Variants in TAFA2 observed in about 807,000 individuals in gnomAD.
The protein encoded by TAFA2 is TAFA chemokine like family member 2, also known as chemokine-like protein TAFA-2.
A neutral mutation model predicts 18.8 loss-of-function variants in TAFA2; 7 were observed. The observed-to-expected ratio is 0.37, with a 90% CI of 0.21 to 0.70. The LOEUF (loss-of-function observed/expected upper bound fraction) is 0.70, where lower values mean the gene tolerates loss of function less well. Ranked by LOEUF, TAFA2 falls within the 30% of genes least tolerant of loss-of-function variation. The pLI, the probability that TAFA2 is intolerant of heterozygous loss-of-function variation, is 0.53. For missense variants in TAFA2, 122 were observed against 158.1 expected, an observed-to-expected ratio of 0.77 and a Z score of 1.23; for synonymous variants, 60 against 54.2, an observed-to-expected ratio of 1.11 and a Z score of -0.47.
chr12:62,009,313 G>A (rs140803532), intron 1 of TAFA2, among the ~76,000 whole-genome samples: 22 of 152,226 alleles, frequency 1.4e-4, no homozygotes, highest in Non-Finnish European at 3.1e-4. Flanking sequence ...ATTGGTTCCA[G>A]TAACAGCAGA....
At chr12:61,777,865 T>TGTG (rs1870336453) in intron 2 of TAFA2, among the ~76,000 whole-genome samples, 1 of 151,850 alleles carries the variant, frequency 6.6e-6, no homozygotes, top group Admixed American at 6.6e-5. Flanking sequence ...TTTTAACCCC[T>TGTG]GTGGAGAGGT....
intron 1 of TAFA2, among the ~76,000 whole-genome samples, chr12:62,003,938 G>A (rs1412793845): frequency 3.3e-5 from 5 of 152,040 alleles, no homozygotes; most frequent in East Asian, 1.9e-4. Flanking sequence ...AAAGGAGAAC[G>A]TTTCTAATTG....
chr12:61,847,177 T>C (rs981945987), intron 2 of TAFA2, among the ~76,000 whole-genome samples: 4 of 152,224 alleles, frequency 2.6e-5, no homozygotes, highest in Non-Finnish European at 5.9e-5. Flanking sequence ...TTATCTCTTC[T>C]GCTGTTGTGA....
At chr12:61,719,705 G>T (rs995072536) in intron 4 of TAFA2, among the ~76,000 whole-genome samples, 2 of 152,094 alleles carry the variant, frequency 1.3e-5, no homozygotes, top group Non-Finnish European at 2.9e-5. Flanking sequence ...AATTGATTTT[G>T]TTTGTGCAGC....
At chr12:61,776,076 C>A in intron 2 of TAFA2, 1 of 435,030 alleles carries the variant, frequency 2.3e-6, no homozygotes, top group Non-Finnish European at 4.4e-6. Context: ...AAAAGAAATG[C>A]CCCACTAATG....
chr12:62,170,424 T>C (rs1367141735), intron 1 of TAFA2, among the ~76,000 whole-genome samples: 1 of 152,202 alleles, frequency 6.6e-6, no homozygotes, highest in African/African-American at 2.4e-5. Flanking sequence ...AAAGAAATAC[T>C]AGTTTTGAAA....
At chr12:61,948,222 G>T (rs1296516827) in intron 1 of TAFA2, among the ~76,000 whole-genome samples, 1 of 152,064 alleles carries the variant, frequency 6.6e-6, no homozygotes, top group Non-Finnish European at 1.5e-5. Flanking sequence ...CTCCAAGCAT[G>T]GGTTCTACTA....
chr12:61,958,639 C>T (rs933175218), intron 1 of TAFA2, among the ~76,000 whole-genome samples: 7 of 151,806 alleles, frequency 4.6e-5, no homozygotes, highest in Non-Finnish European at 1.0e-4. Context: ...ATATTCATAA[C>T]ATTTGTCTAT....
At chr12:61,901,174 C>T (rs1876081284) in intron 1 of TAFA2, among the ~76,000 whole-genome samples, 2 of 151,944 alleles carry the variant, frequency 1.3e-5, no homozygotes, top group African/African-American at 4.8e-5. Context: ...TAATCTTTTC[C>T]CAATAGTGTT....
At chr12:62,002,230 T>G (rs1337895385) in intron 1 of TAFA2, among the ~76,000 whole-genome samples, 4 of 152,248 alleles carry the variant, frequency 2.6e-5, no homozygotes, top group African/African-American at 4.8e-5. Context: ...TTTCTAGATT[T>G]ATTTATTTGG....
intron 1 of TAFA2, among the ~76,000 whole-genome samples, chr12:62,127,506 T>C (rs1870512944): frequency 6.6e-6 from 1 of 152,158 alleles, no homozygotes; most frequent in Non-Finnish European, 1.5e-5. Context: ...AAATCCATTA[T>C]AATTTTTCTT....
chr12:61,913,106 C>T (rs1420774094), intron 1 of TAFA2, among the ~76,000 whole-genome samples: 1 of 152,014 alleles, frequency 6.6e-6, no homozygotes, highest in Admixed American at 6.6e-5. Context: ...AATGGGGTAA[C>T]CAAGAAAAAT....
chr12:61,990,689 G>T (rs892392640), intron 1 of TAFA2, among the ~76,000 whole-genome samples: 1 of 152,116 alleles, frequency 6.6e-6, no homozygotes, highest in Non-Finnish European at 1.5e-5. Flanking sequence ...CCAACACACA[G>T]GGTTGTCGTA....
intron 1 of TAFA2, among the ~76,000 whole-genome samples, chr12:62,165,937 T>TCA (rs1342975197): frequency 3.1e-4 from 36 of 115,338 alleles, no homozygotes; most frequent in Middle Eastern, 9.0e-3. Flanking sequence ...TCTCTCTCTC[T>TCA]CTCACACACA....
intron 1 of TAFA2, among the ~76,000 whole-genome samples, chr12:62,147,574 C>CA (rs557246119): frequency 3.3e-5 from 5 of 149,410 alleles, no homozygotes; most frequent in Admixed American, 2.0e-4. Context: ...CTAAAAAATA[C>CA]AAAAAATTAG....
In TAFA2 at chr12:61,939,501, A is replaced by G. The variant is rs902668073; in HGVS notation, c.-1-72075T>C. On this transcript the variant is annotated intron_variant, in intron 1 of 4. Transcript: ENST00000416284. Reference sequence around the variant, plus strand: ...CTAATAAAGTTATTCAACATTAAAAATAAAAATAAAAAAACCTTGAGTTCT... The same window carrying G: ...CTAATAAAGTTATTCAACATTAAAAGTAAAAATAAAAAAACCTTGAGTTCT... Among the ~76,000 whole-genome samples, 5 of 151,404 alleles carry G rather than the reference A, an allele frequency of 3.3e-5. No homozygotes were observed. In the East Asian group the frequency reaches 5.8e-4, roughly 17 times the overall value.
intron 4 of TAFA2, among the ~76,000 whole-genome samples, chr12:61,714,919 G>C (rs553130820): frequency 1.3e-5 from 2 of 152,154 alleles, no homozygotes; most frequent in Admixed American, 1.3e-4. Flanking sequence ...GGCTTTGTTC[G>C]GCAGACTGCC....
intron 2 of TAFA2, among the ~76,000 whole-genome samples, chr12:61,865,220 C>T (rs1233824736): frequency 6.6e-6 from 1 of 152,202 alleles, no homozygotes; most frequent in Non-Finnish European, 1.5e-5. Context: ...AGGTCAGATA[C>T]ACCAAAGGGG....
chr12:61,891,510 T>C (rs548804573), intron 1 of TAFA2, among the ~76,000 whole-genome samples: 20 of 152,156 alleles, frequency 1.3e-4, no homozygotes, highest in African/African-American at 4.1e-4. Flanking sequence ...TAGCTGGGTG[T>C]GGTGGCGCAT....
Sources: allele counts gnomAD v4.1 joint callset (sites outside exome capture counted in the v4.1 genomes callset), GRCh38; gene constraint gnomAD v4.1.1; transcripts MANE v1.5; gene names NCBI Gene and HGNC (gene_info 2026-07-23, HGNC 2026-07-21).